AKAP6: variants seen among roughly 807,000 people sequenced by gnomAD.
AKAP6 encodes the protein A-kinase anchor protein 6.
Under a neutral mutation model 188.5 loss-of-function variants are expected in AKAP6, and 58 were observed. The ratio of observed to expected loss-of-function variants is 0.31; its 90% confidence interval spans 0.25 to 0.38. The LOEUF (loss-of-function observed/expected upper bound fraction) is 0.38. AKAP6 is among the 10% of genes least tolerant of loss of function. AKAP6 has a pLI of 1.00. For synonymous variants in AKAP6, 989 were observed against 998.6 expected (o/e 0.99, Z 0.18); for missense variants, 2,710 against 2,740.0 (o/e 0.99, Z 0.24).
In AKAP6 at chr14:32,709,973, A is replaced by G. The variant is rs150691145; in HGVS notation, c.3000+13863A>G. Among the ~76,000 whole-genome samples, 344 of 152,178 alleles carry G rather than the reference A, an allele frequency of 2.3e-3. 1 individual carries two copies. Among genetic ancestry groups the G allele is most frequent in the African/African-American group, 7.2e-3 (297 of 41,520 alleles). ...TCCATCCTCTTTTGTAGCAGAAAATATGCTAATATTGAAAGACTGCTGGTA... is the reference window on the plus strand; with the variant it reads ...TCCATCCTCTTTTGTAGCAGAAAATGTGCTAATATTGAAAGACTGCTGGTA... On this transcript the variant is annotated intron_variant, in intron 9 of 13. Coordinates refer to ENST00000280979, the MANE Select transcript of AKAP6 (RefSeq NM_004274.5).
rs150365877 is a variant in AKAP6 at position 32,640,189 on chromosome 14, T to C, written c.2731-38122T>C. The stretch of plus-strand genomic sequence containing the variant: ...TAAATAAGAGGAAAAATAAGATCTG[T>C]AGCTCCTATCTTGTTTATCCTAATC... On this transcript the variant is annotated intron_variant, in intron 7 of 13. Coordinates refer to ENST00000280979, the MANE Select transcript of AKAP6 (RefSeq NM_004274.5). Among the ~76,000 whole-genome samples the C allele has an allele frequency of 5.1e-3, 779 of 152,218 alleles. 12 individuals are homozygous for C. Among genetic ancestry groups the C allele is most frequent in the African/African-American group, 0.017 (725 of 41,548 alleles).
In AKAP6 at chr14:32,821,868, A is replaced by G. The variant is rs1215621951; in HGVS notation, c.4055A>G (p.His1352Arg). The G allele has an allele frequency of 3.1e-6, 5 of 1,613,896 alleles. No individual in the cohort carries two copies. Among genetic ancestry groups the G allele is most frequent in the South Asian group, 1.1e-5 (1 of 91,078 alleles). The change falls in exon 13 of 14, where the codon CAT becomes CGT. Residue 1352 changes from histidine to arginine, a missense_variant. Transcript: ENST00000280979. ...GSNLVKPCAC[H>R]GGDMSQNSGS... is the part of the protein sequence containing the mutation. ...AATTTGGTAAAGCCCTGCGCATGTC[A>G]TGGAGGAGACATGAGCCAGAATTCA...
In AKAP6 at chr14:32,570,124, C is replaced by CTTTTTTT. The variant is rs60851991; in HGVS notation, c.2347-6977_2347-6971dup. 1.5e-4 allele frequency among the ~76,000 whole-genome samples: 11 copies of CTTTTTTT among 74,846 alleles called. 1 individual carries two copies. Among genetic ancestry groups the CTTTTTTT allele is most frequent in the African/African-American group, 1.6e-4 (3 of 19,088 alleles). The allele number at this position is 74,846 out of a possible 152,430, so 49.1% of individuals were successfully genotyped here. A position where few individuals can be genotyped will look rare whatever the true frequency, so the allele number is the denominator to read the frequency against. ...CCCCTATATTGTGACTGTGTGGGAA[C>CTTTTTTT]TTTTTTTTTTTTTTTTTTTTTTTTT... On this transcript the variant is annotated intron_variant, in intron 4 of 13. Transcript: ENST00000280979.
intron 11 of AKAP6, among the ~76,000 whole-genome samples, chr14:32,758,107 T>C (rs909742102): frequency 1.3e-5 from 2 of 152,210 alleles, no homozygotes; most frequent in Non-Finnish European, 2.9e-5. Flanking sequence ...TATAGTATTA[T>C]AGACAATGCC....
chr14:32,597,977 C>T (rs1239470313), intron 5 of AKAP6, among the ~76,000 whole-genome samples: 3 of 152,164 alleles, frequency 2.0e-5, no homozygotes, highest in Admixed American at 1.3e-4. Context: ...ACTCAGGCTA[C>T]ACTTCATTCT....
At chr14:32,524,909 C>G (rs149771114) in intron 2 of AKAP6, among the ~76,000 whole-genome samples, 86 of 152,282 alleles carry the variant, frequency 5.6e-4, no homozygotes, top group African/African-American at 1.8e-3. Context: ...TTGGCCCTAG[C>G]TGTCTTGAAA....
At position 32,535,586 on chromosome 14, in the gene AKAP6, G is replaced by A; in HGVS notation, c.357G>A (p.Glu119=). The A allele has an allele frequency of 6.2e-7, 1 of 1,614,052 alleles. No homozygotes were observed. Among genetic ancestry groups the A allele is most frequent in the Non-Finnish European group, 8.5e-7 (1 of 1,179,924 alleles). Residue 119 remains glutamate (E), a synonymous_variant, in exon 3 of 14, where the codon GAG becomes GAA. Coordinates refer to ENST00000280979, the MANE Select transcript of AKAP6 (RefSeq NM_004274.5). The part of the protein sequence containing the change: ...DICEDISDHV[E]QIHALLETEF... The stretch of plus-strand genomic sequence containing the variant: ...GTGAAGATATTTCTGATCATGTTGA[G>A]CAAATCCATGCCCTCCTTGAAACAG...
chr14:32,387,547 C>A (rs908243833), intron 1 of AKAP6, among the ~76,000 whole-genome samples: 2 of 148,704 alleles, frequency 1.3e-5, no homozygotes, highest in Non-Finnish European at 3.0e-5. Context: ...TATTTTTAAT[C>A]ATAAAGGGAT....
chr14:32,779,677 T>C (rs762238837), intron 12 of AKAP6, among the ~76,000 whole-genome samples: 8 of 152,024 alleles, frequency 5.3e-5, no homozygotes, highest in Non-Finnish European at 8.8e-5. Context: ...AAAGCAAAAA[T>C]TGATACAACT....
At chr14:32,761,839 A>G (rs2032550521) in intron 11 of AKAP6, among the ~76,000 whole-genome samples, 1 of 152,124 alleles carries the variant, frequency 6.6e-6, no homozygotes. Context: ...TGACCAGTGA[A>G]TACCCAAGAT....
At chr14:32,789,338 C>T (rs770563085) in intron 12 of AKAP6, among the ~76,000 whole-genome samples, 8 of 152,236 alleles carry the variant, frequency 5.3e-5, no homozygotes, top group Non-Finnish European at 8.8e-5. Context: ...GCGGAAGGGT[C>T]TCTCCCAACG....
chr14:32,620,085 A>T (rs1333913494), intron 7 of AKAP6, among the ~76,000 whole-genome samples: 1 of 151,812 alleles, frequency 6.6e-6, no homozygotes, highest in African/African-American at 2.4e-5. Flanking sequence ...CTTTTGGAGG[A>T]TTCTTTATGA....
At chr14:32,687,439 TCTTTCTC>T (rs1889980820) in intron 8 of AKAP6, among the ~76,000 whole-genome samples, 1 of 137,262 alleles carries the variant, frequency 7.3e-6, no homozygotes, top group Non-Finnish European at 1.5e-5. Context: ...TCTCTCTCTC[TCTTTCTC>T]TCTTTCTCTT....
chr14:32,381,213 G>T (rs1294604663), intron 1 of AKAP6, among the ~76,000 whole-genome samples: 3 of 151,998 alleles, frequency 2.0e-5, no homozygotes, highest in Non-Finnish European at 4.4e-5. Flanking sequence ...GGTGGCACAC[G>T]CGTGTAATCC....
At chr14:32,705,028 A>C (rs1464033453) in intron 9 of AKAP6, among the ~76,000 whole-genome samples, 1 of 152,320 alleles carries the variant, frequency 6.6e-6, no homozygotes, top group East Asian at 1.9e-4. Context: ...GCGCAAGGGA[A>C]AAGTTTTCCC....
intron 1 of AKAP6, among the ~76,000 whole-genome samples, chr14:32,420,659 A>C (rs968430106): frequency 6.6e-6 from 1 of 152,100 alleles, no homozygotes; most frequent in African/African-American, 2.4e-5. Flanking sequence ...GTTCATTTAC[A>C]TCAGATTTTC....
intron 5 of AKAP6, among the ~76,000 whole-genome samples, chr14:32,587,828 T>C (rs535932035): frequency 6.6e-6 from 1 of 152,288 alleles, no homozygotes; most frequent in Non-Finnish European, 1.5e-5. Context: ...TCTATCTGTA[T>C]ATGGAGCAGG....
At chr14:32,587,542 A>C (rs1235485148) in intron 5 of AKAP6, among the ~76,000 whole-genome samples, 3 of 152,202 alleles carry the variant, frequency 2.0e-5, no homozygotes, top group East Asian at 1.9e-4. Context: ...GAGTGGGTTA[A>C]AGAATGTTGG....
At chr14:32,695,144 G>T (rs12892900) in intron 8 of AKAP6, among the ~76,000 whole-genome samples, 16,977 of 152,152 alleles carry the variant, frequency 0.11, 1,017 homozygotes, top group Admixed American at 0.15. Context: ...GAAAACCATA[G>T]TGATCCTCCT....
Sources: gnomAD v4.1 joint callset for allele counts (sites outside exome capture counted in the v4.1 genomes callset) on GRCh38, gnomAD v4.1.1 for gene constraint, MANE v1.5 for transcripts, NCBI Gene and HGNC (gene_info 2026-07-23, HGNC 2026-07-21) for gene names.